Variants in PCDHA1 observed in about 807,000 individuals in gnomAD.
The protein encoded by PCDHA1 is protocadherin alpha 1, also known as protocadherin alpha-1.
PCDHA1 carries 42 observed loss-of-function variants against 61.3 expected under a neutral mutation model. That is an observed-to-expected ratio of 0.69 (90% CI 0.54 to 0.89). The LOEUF is 0.89. Among genes scored for constraint, PCDHA1 ranks in the 40% least tolerant of loss-of-function variants. PCDHA1 has a pLI of 0.00. For missense variants in PCDHA1, 1,256 were observed against 1,235.3 expected, an observed-to-expected ratio of 1.02 and a Z score of -0.25; for synonymous variants, 610 against 553.8, an observed-to-expected ratio of 1.10 and a Z score of -1.43.
At chr5:140,909,634 T>G (rs2074616296) in intron 1 of PCDHA1, among the ~76,000 whole-genome samples, 1 of 152,176 alleles carries the variant, frequency 6.6e-6, no homozygotes, top group Non-Finnish European at 1.5e-5. Flanking sequence ...GTCTTCCTAT[T>G]TTGTCTTTTC....
intron 1 of PCDHA1, among the ~76,000 whole-genome samples, chr5:140,961,103 A>G (rs531762252): frequency 6.6e-6 from 1 of 152,254 alleles, no homozygotes; most frequent in South Asian, 2.1e-4. Context: ...TTGGTCACCC[A>G]ACCCCCTTGC....
At chr5:140,877,276 G>T (rs1038142877) in intron 1 of PCDHA1, 4 of 1,613,744 alleles carry the variant, frequency 2.5e-6, no homozygotes, top group Admixed American at 1.7e-5. Flanking sequence ...CGCTGACTCC[G>T]GCTATAACGC....
At chr5:140,820,841 T>C (rs11167609) in intron 1 of PCDHA1, among the ~76,000 whole-genome samples, 1 of 151,748 alleles carries the variant, frequency 6.6e-6, no homozygotes, top group Non-Finnish European at 1.5e-5. Flanking sequence ...TAATAGCAAC[T>C]TGAAGAAATG....
intron 1 of PCDHA1, chr5:140,966,280 G>A (rs782249047): frequency 2.0e-4 from 74 of 365,660 alleles, no homozygotes; most frequent in Middle Eastern, 6.9e-4. Context: ...CTGGACAGTG[G>A]GGGTAGGGAG....
chr5:140,845,564 A>G (rs945837920), intron 1 of PCDHA1, among the ~76,000 whole-genome samples: 4 of 149,618 alleles, frequency 2.7e-5, no homozygotes, highest in African/African-American at 9.8e-5. Context: ...TTAGCTATTA[A>G]GAATTTCTGG....
intron 1 of PCDHA1, chr5:140,877,326 G>A: frequency 1.9e-6 from 3 of 1,613,964 alleles, no homozygotes. Flanking sequence ...CGGTCGGCGC[G>A]CACATCCCGT....
At position 140,850,402 on chromosome 5, in the gene PCDHA1, C is replaced by T. The variant is rs2150482432; in HGVS notation, c.2394+61718C>T. On this transcript the variant is annotated intron_variant, in intron 1 of 3. Coordinates refer to ENST00000504120, the MANE Select transcript of PCDHA1 (RefSeq NM_018900.4). ...ACGGGCGAGATCAGCACAACGCGTG[C>T]CCTGGACGAAACGGACGCACCGCGC... 60 of 1,597,956 alleles carry T rather than the reference C, an allele frequency of 3.8e-5. 2 individuals carry two copies. The East Asian group carries it at 1.1e-3, about 30-fold the overall frequency.
At chr5:140,862,636 T>C in intron 1 of PCDHA1, 1 of 539,338 alleles carries the variant, frequency 1.9e-6, no homozygotes, top group East Asian at 5.1e-5. Flanking sequence ...CTGCCACGAC[T>C]TCACAGTGTC....
chr5:140,798,557 C>T (rs1030447160), intron 1 of PCDHA1, among the ~76,000 whole-genome samples: 1 of 152,126 alleles, frequency 6.6e-6, no homozygotes, highest in Non-Finnish European at 1.5e-5. Flanking sequence ...CCAATGTGTG[C>T]AGGCCTCCCA....
In PCDHA1 at chr5:140,842,984, G is replaced by A. The variant is rs2150349206; in HGVS notation, c.2394+54300G>A. 26 of 1,594,918 alleles carry A rather than the reference G, an allele frequency of 1.6e-5. 1 individual carries two copies. The East Asian group carries it at 4.7e-4, about 29-fold the overall frequency. On this transcript the variant is annotated intron_variant, in intron 1 of 3. Coordinates refer to ENST00000504120, the MANE Select transcript of PCDHA1 (RefSeq NM_018900.4). ...CAGCAACGTGACGCTGCAGGTGTTCGTGCTGGACGAGAATGACAACGCGCC... is the reference window on the plus strand; with the variant it reads ...CAGCAACGTGACGCTGCAGGTGTTCATGCTGGACGAGAATGACAACGCGCC...
chr5:140,870,500 A>G, intron 1 of PCDHA1: 2 of 1,614,228 alleles, frequency 1.2e-6, no homozygotes, highest in East Asian at 2.2e-5. Flanking sequence ...GTGAAGGAGA[A>G]CAACCCACCA....
intron 1 of PCDHA1, chr5:140,870,062 A>G (rs1554163774): frequency 5.0e-6 from 8 of 1,613,902 alleles, no homozygotes; most frequent in South Asian, 3.3e-5. Context: ...ATTGAAGTAC[A>G]GGCTACAGAT....
At chr5:140,838,290 T>TC (rs1775657451) in intron 1 of PCDHA1, among the ~76,000 whole-genome samples, 2 of 150,172 alleles carry the variant, frequency 1.3e-5, no homozygotes, top group Non-Finnish European at 3.0e-5. Flanking sequence ...ATTTTTTTTT[T>TC]TTTTTGTATT....
Position 140,887,082 on chromosome 5 carries a change from CT to C in PCDHA1, c.2395-91866del, listed in dbSNP as rs781992332. On this transcript the variant is annotated intron_variant, in intron 1 of 3. Coordinates refer to ENST00000504120, the MANE Select transcript of PCDHA1 (RefSeq NM_018900.4). Reference sequence around the variant, plus strand: ...GGCAACAAATTCACTCAGCTTTTGTCTGAGAAATATCTTTATCTCTTTTTTT... The same window carrying C: ...GGCAACAAATTCACTCAGCTTTTGTCGAGAAATATCTTTATCTCTTTTTTT... 2.0e-5 allele frequency among the ~76,000 whole-genome samples: 3 copies of C among 151,694 alleles called. No individual in the cohort carries two copies. The East Asian group carries it at 5.8e-4, about 29-fold the overall frequency.
intron 1 of PCDHA1, among the ~76,000 whole-genome samples, chr5:140,912,933 C>T (rs1433213824): frequency 6.6e-6 from 1 of 152,070 alleles, no homozygotes; most frequent in African/African-American, 2.4e-5. Context: ...TTGAATCATC[C>T]TTGTATCCCT....
At chr5:140,814,663 CAT>C (rs1409985275) in intron 1 of PCDHA1, 3 of 151,344 alleles carry the variant, frequency 2.0e-5, no homozygotes, top group African/African-American at 7.4e-5. Context: ...TCACCACAAA[CAT>C]GTGAGTAATG....
Position 140,796,075 on chromosome 5 carries a change from C to G in PCDHA1, c.2394+7391C>G, listed in dbSNP as rs782104622. ...CGCTTCCCTGGGCACTGTCATTGCTCTCATCACGGTGTCGGATCGCGACTC... is the reference window on the plus strand; with the variant it reads ...CGCTTCCCTGGGCACTGTCATTGCTGTCATCACGGTGTCGGATCGCGACTC... On this transcript the variant is annotated intron_variant, in intron 1 of 3. Coordinates refer to ENST00000504120, the MANE Select transcript of PCDHA1 (RefSeq NM_018900.4). 5 of 1,614,104 alleles carry G rather than the reference C, an allele frequency of 3.1e-6. No individual in the cohort carries two copies. The Admixed American group carries it at 5.0e-5, about 16-fold the overall frequency.
intron 1 of PCDHA1, among the ~76,000 whole-genome samples, chr5:140,954,881 C>T (rs2095105725): frequency 6.6e-6 from 1 of 152,092 alleles, no homozygotes; most frequent in Non-Finnish European, 1.5e-5. Flanking sequence ...CCTAGCTTTT[C>T]TTCTAGGGTT....
At chr5:140,824,487 C>T in intron 1 of PCDHA1, 1 of 356,814 alleles carries the variant, frequency 2.8e-6, no homozygotes, top group Non-Finnish European at 5.1e-6. Flanking sequence ...TTTTTAGAGA[C>T]CCTTTGTTGC....
Sources: gnomAD v4.1 joint callset for allele counts (sites outside exome capture counted in the v4.1 genomes callset) on GRCh38, gnomAD v4.1.1 for gene constraint, MANE v1.5 for transcripts, NCBI Gene and HGNC (gene_info 2026-07-23, HGNC 2026-07-21) for gene names.